Variants in DRG2 observed in about 807,000 individuals in gnomAD.
DRG2 encodes the protein developmentally regulated GTP binding protein 2.
In DRG2, 36 loss-of-function variants were observed where a neutral mutation model predicts 53.4. That is an observed-to-expected ratio of 0.67 (90% confidence interval 0.52 to 0.89). The LOEUF is 0.89. DRG2 is among the 40% of genes least tolerant of loss of function. DRG2 has a pLI of 0.00. For missense variants in DRG2, 342 were observed against 481.2 expected (o/e 0.71, Z 2.71); for synonymous variants, 167 against 192.1 (o/e 0.87, Z 1.08).
chr17:18,091,447 A>ATG (rs1336156727), intron 1 of DRG2, among the ~76,000 whole-genome samples: 4 of 152,130 alleles, frequency 2.6e-5, no homozygotes, highest in African/African-American at 9.7e-5. Context: ...TTAGCCAGGC[A>ATG]TGGTGGCACC....
chr17:18,097,892 G>A (rs140138127), intron 2 of DRG2: 159 of 177,160 alleles, frequency 9.0e-4, no homozygotes, highest in African/African-American at 3.6e-3. Flanking sequence ...GCATGTCTGG[G>A]TACTGGTTCC....
intron 1 of DRG2, among the ~76,000 whole-genome samples, chr17:18,091,646 C>T (rs1430550131): frequency 4.0e-5 from 6 of 151,818 alleles, no homozygotes; most frequent in Admixed American, 2.6e-4. Flanking sequence ...CACCTGACGT[C>T]GAGAGTTCGA....
At chr17:18,094,019 A>G (rs1480850820) in intron 2 of DRG2, 46 bp downstream of exon 2, 2 of 1,587,532 alleles carry the variant, frequency 1.3e-6, no homozygotes, top group Non-Finnish European at 8.6e-7. Flanking sequence ...GCAAGAAGTC[A>G]TCTTTCAAAC....
rs2142195941 is a variant in DRG2, at chr17:18,099,677, G to A, written c.421G>A (p.Asp141Asn). 1.9e-6 allele frequency: 3 copies of A among 1,608,108 alleles called. No homozygotes were observed. Among genetic ancestry groups the A allele is most frequent in the Non-Finnish European group, 2.5e-6 (3 of 1,178,036 alleles). The change falls in exon 5 of 13, where the codon GAC becomes AAC. Residue 141 changes from aspartate (D) to asparagine (N), a missense_variant. Physicochemically the swap from Asp to Asn is conservative, Grantham distance 23. Transcript: ENST00000225729. The surrounding 1 kb of genome is among the most constrained non-coding windows in gnomAD (Gnocchi z 4.4). ...GGTGATCGCTGTGGCGCGCACGGCT[G>A]ACGTCATCATCATGATGCTGGATGC... ...RQVIAVARTA[D>N]VIIMMLDATK... is the part of the protein sequence containing the mutation.
rs2045598858 is a variant in DRG2 at position 18,104,769 on chromosome 17, G to A, written c.954+88G>A. 9.4e-6 allele frequency: 15 copies of A among 1,597,190 alleles called. No individual in the cohort carries two copies. The Middle Eastern group carries it at 5.0e-4, about 53-fold the overall frequency. ...TCTGCCTGAGGTGCCCTGGGCTGGG[G>A]GTGGGCTCTGCTGGTCTCACTCTCA... On this transcript the variant is annotated intron_variant, in intron 11 of 12. Coordinates refer to ENST00000225729, the MANE Select transcript of DRG2 (RefSeq NM_001388.5).
intron 1 of DRG2, among the ~76,000 whole-genome samples, chr17:18,089,752 G>A (rs2045280819): frequency 6.6e-6 from 1 of 152,174 alleles, no homozygotes; most frequent in African/African-American, 2.4e-5. Flanking sequence ...ACATCTGGGG[G>A]AAGAGGGTTC....
intron 1 of DRG2, among the ~76,000 whole-genome samples, chr17:18,090,877 C>T (rs2045322898): frequency 6.6e-6 from 1 of 151,668 alleles, no homozygotes; most frequent in South Asian, 2.1e-4. Flanking sequence ...CACTATGTTG[C>T]CCAGGGTAGT....
At chr17:18,093,722 C>A in intron 1 of DRG2, 91 bp from the exon 2 acceptor site, 1 of 1,466,544 alleles carries the variant, frequency 6.8e-7, no homozygotes, top group Non-Finnish European at 9.2e-7. Flanking sequence ...AGTTGCTTCC[C>A]AGCCAGCACT....
At chr17:18,102,095 G>A (rs2045548475) in intron 9 of DRG2, 98 bp downstream of exon 9, 2 of 1,239,694 alleles carry the variant, frequency 1.6e-6, no homozygotes, top group African/African-American at 3.0e-5. Flanking sequence ...AGGAGGAAAA[G>A]CCAGCACAGC....
chr17:18,101,055 A>G (rs1364776704), intron 7 of DRG2, among the ~76,000 whole-genome samples: 1 of 152,124 alleles, frequency 6.6e-6, no homozygotes, highest in East Asian at 1.9e-4. Flanking sequence ...GGCCTTGGGC[A>G]GAGTTATGCC....
intron 7 of DRG2, among the ~76,000 whole-genome samples, 167 bp from the exon 8 acceptor site, chr17:18,101,326 A>G (rs1188311509): frequency 6.6e-6 from 1 of 152,172 alleles, no homozygotes; most frequent in South Asian, 2.1e-4. Flanking sequence ...CCTCTGGGGA[A>G]GAGAACAGAG....
rs754821720 is a variant in DRG2, at chr17:18,098,516, G to T, written c.315+157G>T. On this transcript the variant is annotated intron_variant, in intron 3 of 12. Coordinates refer to ENST00000225729, the MANE Select transcript of DRG2 (RefSeq NM_001388.5). The surrounding 1 kb of genome is among the most constrained non-coding windows in gnomAD (Gnocchi z 4.1). ...GCCCTCCAGCACTGACACTTCTGGG[G>T]ATCCTAGCTGCTGGACCCCAGAGAT... is the stretch of plus-strand genomic sequence containing the variant. 4.7e-6 allele frequency: 3 copies of T among 633,884 alleles called. No individual in the cohort carries two copies. The highest frequency in any genetic ancestry group is 1.8e-5 in the South Asian group (1 of 54,402). The allele number at this position is 633,884 out of a possible 1,614,324, so 39.3% of individuals were successfully genotyped here. A position where few individuals can be genotyped will look rare whatever the true frequency, so the allele number is the denominator to read the frequency against.
In DRG2 at chr17:18,098,169, T is replaced by C; in HGVS notation, c.226-101T>C. On this transcript the variant is annotated intron_variant, in intron 2 of 12. Coordinates refer to ENST00000225729, the MANE Select transcript of DRG2 (RefSeq NM_001388.5). The surrounding 1 kb of genome is among the most constrained non-coding windows in gnomAD (Gnocchi z 4.1). ...GGTCACCAAGCCGAGGGTGAGAGGGTCTCCTCCTGCTGCCTGCACCTGCAG... is the reference window on the plus strand; with the variant it reads ...GGTCACCAAGCCGAGGGTGAGAGGGCCTCCTCCTGCTGCCTGCACCTGCAG... The C allele has an allele frequency of 1.1e-6, 1 of 920,168 alleles. No individual in the cohort carries two copies. The highest frequency in any genetic ancestry group is 1.7e-6 in the Non-Finnish European group (1 of 576,146). 57.0% of individuals were successfully genotyped at this position (920,168 alleles called of 1,614,324 possible).
Position 18,103,908 on chromosome 17 carries a change from A to AG in DRG2, c.895+20dup, listed in dbSNP as rs771840090. ...AGAGGACGTGAGTTGCACTGCGCGT[A>AG]GCTGAAAAACAGGCTGAGCTTCATC... is the stretch of plus-strand genomic sequence containing the variant. On this transcript the variant is annotated intron_variant, in intron 10 of 12. Coordinates refer to ENST00000225729, the MANE Select transcript of DRG2 (RefSeq NM_001388.5). This position sits in a 1 kb window ranked among gnomAD's most constrained non-coding sequence, Gnocchi z 4.4. 1.2e-6 allele frequency: 2 copies of AG among 1,612,750 alleles called. No homozygotes were observed. The highest frequency in any genetic ancestry group is 2.2e-5 in the South Asian group (2 of 91,046).
At chr17:18,102,643 A>T (rs1299487128) in intron 9 of DRG2, among the ~76,000 whole-genome samples, 1 of 125,330 alleles carries the variant, frequency 8.0e-6, no homozygotes, top group East Asian at 2.3e-4. Flanking sequence ...AAAAAAAAAG[A>T]GGCTTCTTAA....
intron 9 of DRG2, among the ~76,000 whole-genome samples, chr17:18,102,214 G>A (rs1597727649): frequency 1.3e-5 from 2 of 152,254 alleles, no homozygotes; most frequent in South Asian, 4.1e-4. Context: ...CATAGCTGCT[G>A]GAGGCATTGG....
Position 18,101,567 on chromosome 17 carries a change from C to T in DRG2, c.706C>T (p.Arg236Trp). The change falls in exon 8 of 13, where the codon CGG becomes TGG. Residue 236 changes from arginine (R) to tryptophan (W), a missense_variant. Transcript: ENST00000225729. ...DEFIDVIVGN[R>W]VYMPCLYVYN... ...GTTCATCGATGTGATCGTGGGCAAC[C>T]GGGTGTACATGCCCTGCCTGTATGT... 3 of 1,614,150 alleles carry T rather than the reference C, an allele frequency of 1.9e-6. No homozygotes were observed. Among genetic ancestry groups the T allele is most frequent in the East Asian group, 2.2e-5 (1 of 44,884 alleles).
intron 1 of DRG2, among the ~76,000 whole-genome samples, chr17:18,088,827 T>C (rs920450573): frequency 3.9e-5 from 6 of 152,172 alleles, no homozygotes; most frequent in African/African-American, 1.2e-4. Flanking sequence ...GAGAGAACGA[T>C]GACACCAGGA....
rs73979280 is a variant in DRG2, at chr17:18,100,233, T to C, written c.468-130T>C. 20,262 of 914,460 alleles carry C rather than the reference T, an allele frequency of 0.022. 1,605 individuals are homozygous for C. Among genetic ancestry groups the C allele is most frequent in the African/African-American group, 0.21 (12,656 of 61,602 alleles). 56.6% of individuals were successfully genotyped at this position (914,460 alleles called of 1,614,324 possible). A position where few individuals can be genotyped will look rare whatever the true frequency, so the allele number is the denominator to read the frequency against. ...TAGGGCATTGGGAAGGAGTGTTCTC[T>C]GGGTTGCTGGGGAAGGGGGTGGAGG... On this transcript the variant is annotated intron_variant, in intron 5 of 12. Transcript: ENST00000225729. This position sits in a 1 kb window ranked among gnomAD's most constrained non-coding sequence, Gnocchi z 4.1.
Sources: allele counts gnomAD v4.1 joint callset (sites outside exome capture counted in the v4.1 genomes callset), GRCh38; gene constraint gnomAD v4.1.1; non-coding constraint Gnocchi (gnomAD v3.1); transcripts MANE v1.5; gene names NCBI Gene and HGNC (gene_info 2026-07-23, HGNC 2026-07-21).